PDE4DIP: variants seen among roughly 807,000 people sequenced by gnomAD.
PDE4DIP encodes the protein phosphodiesterase 4D interacting protein.
Under a neutral mutation model 221.4 loss-of-function variants are expected in PDE4DIP, and 59 were observed. The ratio of observed to expected loss-of-function variants is 0.27; its 90% CI spans 0.22 to 0.33. The LOEUF (loss-of-function observed/expected upper bound fraction) is 0.33, where lower values mean the gene tolerates loss of function less well. PDE4DIP is among the 10% of genes least tolerant of loss of function. PDE4DIP has a pLI of 1.00. For synonymous variants in PDE4DIP, 404 were observed against 815.9 expected, an observed-to-expected ratio of 0.50 and a Z score of 8.60; for missense variants, 1,036 against 2,154.2, an observed-to-expected ratio of 0.48 and a Z score of 10.28.
chr1:148,944,131 T>C (rs587609593), intron 5 of PDE4DIP, among the ~76,000 whole-genome samples: 2 of 152,338 alleles, frequency 1.3e-5, no homozygotes, highest in African/African-American at 4.8e-5. Context: ...GAACGCAGTA[T>C]GGAGAAATGA....
At chr1:149,019,564 C>T (rs1469946667) in intron 35 of PDE4DIP, 1 of 152,228 alleles carries the variant, frequency 6.6e-6, no homozygotes, top group Non-Finnish European at 1.5e-5. Context: ...GAGGGCAGAA[C>T]TACTGAGCTA....
At chr1:148,962,963 G>A (rs1422319249) in intron 9 of PDE4DIP, among the ~76,000 whole-genome samples, 2 of 152,190 alleles carry the variant, frequency 1.3e-5, no homozygotes, top group Non-Finnish European at 2.9e-5. Context: ...CGCGATCTCC[G>A]CTCACTGCAA....
In PDE4DIP at chr1:149,021,173, C is replaced by T; in HGVS notation, c.6085+20C>T. 1.3e-6 allele frequency: 1 copy of T among 758,778 alleles called. No individual in the cohort carries two copies. Among genetic ancestry groups the T allele is most frequent in the Non-Finnish European group, 2.2e-6 (1 of 446,460 alleles). The allele number at this position is 758,778 out of a possible 1,614,324, so 47.0% of individuals were successfully genotyped here. A position where few individuals can be genotyped will look rare whatever the true frequency, so the allele number is the denominator to read the frequency against. Reference sequence around the variant, plus strand: ...TGAAAGGTATGTGTTCTTCTCCCCTCACCCCATGAGCTTTTTGCCCTTGCA... The same window carrying T: ...TGAAAGGTATGTGTTCTTCTCCCCTTACCCCATGAGCTTTTTGCCCTTGCA... On this transcript the variant is annotated intron_variant, in intron 37 of 43. Transcript: ENST00000369354.
At chr1:148,980,482 A>G (rs1302746492) in intron 20 of PDE4DIP, among the ~76,000 whole-genome samples, 5 of 152,220 alleles carry the variant, frequency 3.3e-5, no homozygotes, top group Non-Finnish European at 5.9e-5. Context: ...GGCTAATATC[A>G]TCCTGGGACC....
At chr1:149,020,611 G>T (rs2072452595) in intron 36 of PDE4DIP, 3 of 350,220 alleles carry the variant, frequency 8.6e-6, no homozygotes, top group South Asian at 7.0e-5. Context: ...ACATGAAAAA[G>T]AAGGGTTCCC....
chr1:148,818,034 C>G (rs1424914370), intron 1 of PDE4DIP, among the ~76,000 whole-genome samples: 7 of 149,914 alleles, frequency 4.7e-5, no homozygotes, highest in African/African-American at 1.7e-4. Context: ...CCAGGGTGGT[C>G]TCAAACTTCT....
intron 14 of PDE4DIP, among the ~76,000 whole-genome samples, chr1:148,969,666 G>A (rs1176967407): frequency 6.8e-6 from 1 of 147,398 alleles, no homozygotes; most frequent in Non-Finnish European, 1.5e-5. Flanking sequence ...TCTCATAATA[G>A]TACAGGGTAT....
At position 148,998,392 on chromosome 1, in the gene PDE4DIP, A is replaced by G. The variant is rs587691496; in HGVS notation, c.3137+17A>G. On this transcript the variant is annotated intron_variant, in intron 23 of 43. Transcript: ENST00000369354. ...CCACATCAGGTAGGACATTCTTCCC[A>G]GGGAAGGGGAGCTTGCAGGTCATGA... is the stretch of plus-strand genomic sequence containing the variant. The G allele has an allele frequency of 6.7e-7, 1 of 1,499,070 alleles. No individual in the cohort carries two copies. Among genetic ancestry groups the G allele is most frequent in the Non-Finnish European group, 9.3e-7 (1 of 1,078,688 alleles). The allele number at this position is 1,499,070 out of a possible 1,614,324, so 92.9% of individuals were successfully genotyped here. A position where few individuals can be genotyped will look rare whatever the true frequency, so the allele number is the denominator to read the frequency against.
chr1:148,941,292 T>G (rs1227015124), intron 5 of PDE4DIP, among the ~76,000 whole-genome samples: 2 of 58,882 alleles, frequency 3.4e-5, no homozygotes, highest in Non-Finnish European at 6.3e-5. Context: ...CCTTAAAGAC[T>G]GGATACACCA....
intron 21 of PDE4DIP, among the ~76,000 whole-genome samples, chr1:148,986,976 C>A (rs1287426573): frequency 6.6e-6 from 1 of 152,090 alleles, no homozygotes; most frequent in Non-Finnish European, 1.5e-5. Context: ...CCTTGGTTAG[C>A]CTAAGGATAG....
chr1:148,961,436 T>G (rs2056904576), intron 6 of PDE4DIP, among the ~76,000 whole-genome samples: 1 of 151,948 alleles, frequency 6.6e-6, no homozygotes. Context: ...AGAAGAAAAT[T>G]GCTACAATTT....
Position 149,009,674 on chromosome 1 carries a change from C to A in PDE4DIP, c.4810C>A (p.His1604Asn), listed in dbSNP as rs587651659. Reference sequence around the variant, plus strand: ...CAGCAGCCATGCCTTGTCTGACTCCCACCGCTCTCCCAGCAGCACCTCTTT... The same window carrying A: ...CAGCAGCCATGCCTTGTCTGACTCCAACCGCTCTCCCAGCAGCACCTCTTT... The change falls in exon 30 of 44, where the codon CAC becomes AAC. Residue 1604 changes from histidine to asparagine, a missense_variant. By Grantham distance (68) the His-to-Asn change is moderately conservative. Transcript: ENST00000369354. 5 of 1,614,192 alleles carry A rather than the reference C, an allele frequency of 3.1e-6. No homozygotes were observed. The African/African-American group carries it at 6.7e-5, about 21-fold the overall frequency.
chr1:148,940,410 C>T (rs1181905996), intron 5 of PDE4DIP, among the ~76,000 whole-genome samples: 15 of 152,158 alleles, frequency 9.9e-5, no homozygotes, highest in African/African-American at 3.4e-4. Context: ...TTACCCAATA[C>T]GTTGTACATT....
intron 1 of PDE4DIP, among the ~76,000 whole-genome samples, chr1:148,918,657 A>ACACC (rs1453860776): frequency 9.4e-6 from 1 of 106,938 alleles, no homozygotes; most frequent in African/African-American, 4.0e-5. Context: ...ACACACACAC[A>ACACC]CCCTAGCTGT....
chr1:148,993,576 A>AT, intron 22 of PDE4DIP: 2 of 924,570 alleles, frequency 2.2e-6, no homozygotes, highest in Non-Finnish European at 2.9e-6. Flanking sequence ...ACATTAGGGC[A>AT]TTTGTATTTC....
intron 27 of PDE4DIP, 111 bp from the exon 31 acceptor site, chr1:149,007,090 G>C: frequency 1.5e-6 from 1 of 651,452 alleles, no homozygotes; most frequent in Non-Finnish European, 2.8e-6. Flanking sequence ...TTCAGCTTGG[G>C]GGAGTTCCTT....
In PDE4DIP at chr1:148,898,977, G is replaced by A. The variant is rs868994154; in HGVS notation, c.141+9083G>A. On this transcript the variant is annotated intron_variant, in intron 1 of 43. Transcript: ENST00000369354. ...CTCCCAAGTAGCTGGGATTACAGGC[G>A]TGTGTCACCATGCCCGGCTAATTTT... Among the ~76,000 whole-genome samples the A allele has an allele frequency of 1.7e-3, 178 of 104,824 alleles. 18 individuals carry two copies. The highest frequency in any genetic ancestry group is 2.4e-3 in the Non-Finnish European group (133 of 55,134). The allele number at this position is 104,824 out of a possible 152,430, so 68.8% of individuals were successfully genotyped here. A position where few individuals can be genotyped will look rare whatever the true frequency, so the allele number is the denominator to read the frequency against.
chr1:148,821,051 C>T (rs1421954701), intron 1 of PDE4DIP, among the ~76,000 whole-genome samples: 1 of 150,106 alleles, frequency 6.7e-6, no homozygotes, highest in Non-Finnish European at 1.5e-5. Context: ...CGGGGTTTCA[C>T]CGTGTTAGCC....
At chr1:148,982,961 G>A (rs2061353080) in intron 21 of PDE4DIP, 1 of 152,030 alleles carries the variant, frequency 6.6e-6, no homozygotes, top group South Asian at 2.1e-4. Context: ...GAAGCACTCT[G>A]GAATCTTCTG....
Sources: allele counts gnomAD v4.1 joint callset (sites outside exome capture counted in the v4.1 genomes callset), GRCh38; gene constraint gnomAD v4.1.1; transcripts MANE v1.5; gene names NCBI Gene and HGNC (gene_info 2026-07-23, HGNC 2026-07-21).